Variants in RBFOX1 observed in about 807,000 individuals in gnomAD.
RBFOX1 encodes RNA binding protein fox-1 homolog 1.
A neutral mutation model predicts 57.7 loss-of-function variants in RBFOX1; 8 were observed. The ratio of observed to expected loss-of-function variants is 0.14; its 90% confidence interval spans 0.08 to 0.25. RBFOX1 has a LOEUF of 0.25. Among genes scored for constraint, RBFOX1 ranks in the 10% least tolerant of loss-of-function variants. RBFOX1 has a pLI of 1.00. For synonymous variants in RBFOX1, 326 were observed against 222.4 expected, an observed-to-expected ratio of 1.47 and a Z score of -4.15; for missense variants, 611 against 548.5, an observed-to-expected ratio of 1.11 and a Z score of -1.14.
At chr16:6,571,632 C>T (rs1400487033) in intron 2 of RBFOX1, among the ~76,000 whole-genome samples, 1 of 152,250 alleles carries the variant, frequency 6.6e-6, no homozygotes, top group Non-Finnish European at 1.5e-5. Context: ...CAGCTCATTA[C>T]AGAGAATCTT....
At chr16:6,883,777 C>T (rs1053722712) in intron 3 of RBFOX1, among the ~76,000 whole-genome samples, 2 of 151,972 alleles carry the variant, frequency 1.3e-5, no homozygotes, top group Admixed American at 6.6e-5. Flanking sequence ...GCTGAAAATA[C>T]ATGGGTTAGT....
intron 4 of RBFOX1, among the ~76,000 whole-genome samples, chr16:7,271,356 G>T (rs1054231914): frequency 6.6e-6 from 1 of 151,326 alleles, no homozygotes; most frequent in Non-Finnish European, 1.5e-5. Context: ...TTCTTGGGGG[G>T]AGCTCGTATC....
intron 3 of RBFOX1, among the ~76,000 whole-genome samples, chr16:6,814,021 A>G (rs1375926198): frequency 7.7e-6 from 1 of 129,634 alleles, no homozygotes. Flanking sequence ...GATCTGCACA[A>G]AGGGAAATTA....
chr16:6,555,981 A>T (rs2153891933), intron 2 of RBFOX1, among the ~76,000 whole-genome samples: 1 of 152,226 alleles, frequency 6.6e-6, no homozygotes, highest in East Asian at 1.9e-4. Flanking sequence ...GGGGTTCTTT[A>T]TTGGAACCGA....
intron 4 of RBFOX1, among the ~76,000 whole-genome samples, chr16:7,157,952 G>A (rs62013895): frequency 0.12 from 18,124 of 152,206 alleles, 1,374 homozygotes; most frequent in South Asian, 0.2. Context: ...ATTTAATGTT[G>A]AGATGATTTT....
chr16:7,397,904 C>G (rs2098168942), intron 4 of RBFOX1, among the ~76,000 whole-genome samples: 1 of 151,994 alleles, frequency 6.6e-6, no homozygotes, highest in Non-Finnish European at 1.5e-5. Flanking sequence ...ATGAAACTAC[C>G]TGATTTTTTA....
chr16:6,952,320 C>G (rs980197260), intron 3 of RBFOX1, among the ~76,000 whole-genome samples: 1 of 152,134 alleles, frequency 6.6e-6, no homozygotes, highest in Non-Finnish European at 1.5e-5. Flanking sequence ...AGTAGAACTC[C>G]AGTTTTGACA....
chr16:6,086,000 T>C (rs951568544), intron 1 of RBFOX1, among the ~76,000 whole-genome samples: 23 of 151,942 alleles, frequency 1.5e-4, no homozygotes, highest in African/African-American at 5.3e-4. Context: ...CAGACCCCAC[T>C]GTGTGATGTT....
chr16:7,554,028 G>C (rs944272876), intron 5 of RBFOX1, among the ~76,000 whole-genome samples: 1 of 152,154 alleles, frequency 6.6e-6, no homozygotes, highest in African/African-American at 2.4e-5. Context: ...GGGATCGCTT[G>C]AGCCCAGGAG....
chr16:6,615,326 T>C (rs112544767), intron 2 of RBFOX1, among the ~76,000 whole-genome samples: 1,884 of 152,230 alleles, frequency 0.012, 39 homozygotes, highest in African/African-American at 0.043. Flanking sequence ...TTCTAGTACT[T>C]TGGGAGGCCA....
At position 6,088,084 on chromosome 16, in the gene RBFOX1, G is replaced by C. The variant is rs377222938; in HGVS notation, c.-127+68092G>C. 2.2e-3 allele frequency among the ~76,000 whole-genome samples: 339 copies of C among 152,280 alleles called. 11 individuals are homozygous for C. The South Asian group carries it at 0.067, about 30-fold the overall frequency. On this transcript the variant is annotated intron_variant, in intron 1 of 15. Transcript: ENST00000550418. The stretch of plus-strand genomic sequence containing the variant: ...AACTTTCTACAAGGTGAATTTTAGA[G>C]AGAAGAGGTTCACCGTCTCGTTATT...
chr16:5,789,231 C>T (rs1441052959), intron 3 of RBFOX1, among the ~76,000 whole-genome samples: 1 of 152,162 alleles, frequency 6.6e-6, no homozygotes, highest in Non-Finnish European at 1.5e-5. Flanking sequence ...ACTTTATAAT[C>T]CTGGGAGCCC....
rs376915283 is a variant in RBFOX1 at position 7,202,112 on chromosome 16, A to C, written c.27+150014A>C. The stretch of plus-strand genomic sequence containing the variant: ...ATATGGGTTACTCAACAACAACAAC[A>C]ACCACAGCAATATAAACAACTTGAT... On this transcript the variant is annotated intron_variant, in intron 4 of 15. Transcript: ENST00000550418. 1.7e-4 allele frequency among the ~76,000 whole-genome samples: 26 copies of C among 152,120 alleles called. 2 individuals are homozygous for C. In the South Asian group the frequency reaches 5.2e-3, roughly 30 times the overall value.
At chr16:5,855,828 A>G (rs2057011127) in intron 3 of RBFOX1, among the ~76,000 whole-genome samples, 1 of 151,956 alleles carries the variant, frequency 6.6e-6, no homozygotes, top group Non-Finnish European at 1.5e-5. Flanking sequence ...ATATTTTAAC[A>G]ATATTTATTA....
chr16:7,545,193 C>G (rs11864221), intron 5 of RBFOX1, among the ~76,000 whole-genome samples: 3 of 152,116 alleles, frequency 2.0e-5, no homozygotes, highest in Non-Finnish European at 4.4e-5. Context: ...TGGGAGAACA[C>G]GGTTAAAGTA....
chr16:5,806,116 T>G (rs1049888500), intron 3 of RBFOX1, among the ~76,000 whole-genome samples: 4 of 152,192 alleles, frequency 2.6e-5, no homozygotes, highest in Non-Finnish European at 4.4e-5. Flanking sequence ...ATGTCTTTAC[T>G]AGCAGACCTG....
At chr16:6,139,123 G>A (rs2096692343) in intron 1 of RBFOX1, among the ~76,000 whole-genome samples, 1 of 152,092 alleles carries the variant, frequency 6.6e-6, no homozygotes, top group African/African-American at 2.4e-5. Flanking sequence ...TGTGTCCCAG[G>A]CTCTGCTGTG....
rs114558980 is a variant in RBFOX1, at chr16:6,651,711, C to T, written c.-63-2892C>T. 2.0e-3 allele frequency among the ~76,000 whole-genome samples: 300 copies of T among 152,240 alleles called. 2 individuals are homozygous for T. The highest frequency in any genetic ancestry group is 6.4e-3 in the African/African-American group (267 of 41,534). ...TTTGGCAATCTCACTTCTGGGCATA[C>T]GCACAAAAGACTTGAAAGCAGGGAG... is the stretch of plus-strand genomic sequence containing the variant. On this transcript the variant is annotated intron_variant, in intron 2 of 15. Coordinates refer to ENST00000550418, the MANE Select transcript of RBFOX1 (RefSeq NM_018723.4).
intron 4 of RBFOX1, among the ~76,000 whole-genome samples, chr16:7,169,812 G>C (rs573546042): frequency 1.2e-5 from 1 of 80,296 alleles, no homozygotes; most frequent in Non-Finnish European, 2.3e-5. Flanking sequence ...GCTCATGCCT[G>C]TAATCCCTGC....
Sources: gnomAD v4.1 joint callset for allele counts (sites outside exome capture counted in the v4.1 genomes callset) on GRCh38, gnomAD v4.1.1 for gene constraint, MANE v1.5 for transcripts, NCBI Gene and HGNC (gene_info 2026-07-23, HGNC 2026-07-21) for gene names.